The following MICAL2 variants were observed in gnomAD, a reference collection of about 807,000 sequenced individuals.
MICAL2 encodes the protein [F-actin]-monooxygenase MICAL2.
A neutral mutation model predicts 127.3 loss-of-function variants in MICAL2; 77 were observed. The observed-to-expected ratio is 0.60, with a 90% CI of 0.50 to 0.73. The LOEUF is 0.73. Among genes scored for constraint, MICAL2 ranks in the 30% least tolerant of loss-of-function variants. MICAL2 has a pLI of 0.00. For missense variants in MICAL2, 1,351 were observed against 1,434.4 expected, an observed-to-expected ratio of 0.94 and a Z score of 0.94; for synonymous variants, 570 against 551.1, an observed-to-expected ratio of 1.03 and a Z score of -0.48.
intron 29 of MICAL2, among the ~76,000 whole-genome samples, chr11:12,314,754 G>A (rs1864215294): frequency 6.6e-6 from 1 of 150,962 alleles, no homozygotes; most frequent in Non-Finnish European, 1.5e-5. Flanking sequence ...CCAAAGTGCT[G>A]GGATTACAGA....
intron 29 of MICAL2, among the ~76,000 whole-genome samples, chr11:12,299,356 G>A (rs905801421): frequency 4.6e-5 from 7 of 152,008 alleles, no homozygotes; most frequent in African/African-American, 1.4e-4. Context: ...TTAACTTGGG[G>A]GTGCACACTT....
chr11:12,337,173 T>C, intron 32 of MICAL2, among the ~76,000 whole-genome samples: 1 of 152,200 alleles, frequency 6.6e-6, no homozygotes, highest in East Asian at 1.9e-4. Context: ...CTTCCTGGTT[T>C]AGTCTTCGGA....
chr11:12,313,115 C>T (rs1434546163), intron 29 of MICAL2, among the ~76,000 whole-genome samples: 1 of 127,394 alleles, frequency 7.8e-6, no homozygotes, highest in African/African-American at 3.1e-5. Flanking sequence ...TTGCAGTGAG[C>T]CGAGATAGCA....
intron 2 of MICAL2, among the ~76,000 whole-genome samples, chr11:12,146,176 C>T (rs1852880271): frequency 6.6e-6 from 1 of 152,150 alleles, no homozygotes. Context: ...ATGTCTAAAA[C>T]ACCAAAAGCA....
At chr11:12,328,437 G>A (rs999378311) in intron 32 of MICAL2, among the ~76,000 whole-genome samples, 1 of 152,160 alleles carries the variant, frequency 6.6e-6, no homozygotes, top group Non-Finnish European at 1.5e-5. Context: ...AGGAACAAGA[G>A]TTAACCAGTA....
At chr11:12,130,055 T>C (rs1390271527) in intron 1 of MICAL2, among the ~76,000 whole-genome samples, 1 of 152,138 alleles carries the variant, frequency 6.6e-6, no homozygotes, top group African/African-American at 2.4e-5. Flanking sequence ...GTCTTGTTAC[T>C]CCCGAACTAA....
chr11:12,224,169 C>G (rs1482822557), intron 12 of MICAL2, among the ~76,000 whole-genome samples: 4 of 152,174 alleles, frequency 2.6e-5, no homozygotes, highest in African/African-American at 9.7e-5. Flanking sequence ...TCTTAGCCAC[C>G]ACACAGTCCT....
At chr11:12,209,720 AG>A in intron 6 of MICAL2, 122 bp downstream of exon 6, 1 of 841,596 alleles carries the variant, frequency 1.2e-6, no homozygotes, top group East Asian at 2.6e-5. Flanking sequence ...TTTTGATAGG[AG>A]GGCAGACCAT....
chr11:12,276,043 C>A (rs76132180), upstream of MICAL2: 3 of 399,132 alleles, frequency 7.5e-6, no homozygotes, highest in East Asian at 1.1e-4. Context: ...CACAGTGATG[C>A]GGAAGGGGAC....
At chr11:12,320,805 G>C (rs918675918) in intron 30 of MICAL2, among the ~76,000 whole-genome samples, 1 of 152,076 alleles carries the variant, frequency 6.6e-6, no homozygotes, top group Non-Finnish European at 1.5e-5. Context: ...GGTGTGGGGA[G>C]GGGAGGAGAG....
intron 1 of MICAL2, among the ~76,000 whole-genome samples, chr11:12,130,222 G>T (rs73412274): frequency 0.011 from 1,652 of 152,316 alleles, 30 homozygotes; most frequent in African/African-American, 0.037. Context: ...ATTGTAGCTT[G>T]AAGCATTTGC....
chr11:12,219,801 A>G (rs1394133633), intron 8 of MICAL2, among the ~76,000 whole-genome samples: 2 of 152,166 alleles, frequency 1.3e-5, no homozygotes, highest in South Asian at 2.1e-4. Context: ...CTCCAAGACC[A>G]TTATCAAGTG....
chr11:12,318,608 G>C (rs751910528), intron 29 of MICAL2, among the ~76,000 whole-genome samples: 2 of 152,030 alleles, frequency 1.3e-5, no homozygotes, highest in East Asian at 3.9e-4. Flanking sequence ...CCTTTCCCCC[G>C]ACCCAACACC....
At chr11:12,140,624 C>A (rs1434343645) in intron 2 of MICAL2, among the ~76,000 whole-genome samples, 1 of 152,030 alleles carries the variant, frequency 6.6e-6, no homozygotes, top group Non-Finnish European at 1.5e-5. Flanking sequence ...CTCTTCTCAC[C>A]CAGCCATACC....
At chr11:12,285,974 T>C (rs372524210) in intron 2 of MICAL2, among the ~76,000 whole-genome samples, 1 of 152,078 alleles carries the variant, frequency 6.6e-6, no homozygotes, top group East Asian at 1.9e-4. Context: ...TCTCCAGCAG[T>C]GATGGAGGCG....
intron 3 of MICAL2, among the ~76,000 whole-genome samples, chr11:12,182,114 C>T (rs989548655): frequency 2.6e-5 from 4 of 152,114 alleles, no homozygotes; most frequent in Non-Finnish European, 5.9e-5. Flanking sequence ...GGTGTTAGAC[C>T]TACAACTAGA....
chr11:12,167,741 C>T (rs1248014847), intron 3 of MICAL2, among the ~76,000 whole-genome samples: 1 of 152,124 alleles, frequency 6.6e-6, no homozygotes, highest in Non-Finnish European at 1.5e-5. Flanking sequence ...GGCCCTGCAA[C>T]ATTGAACATG....
At chr11:12,202,750 G>A (rs1854176503) in intron 3 of MICAL2, among the ~76,000 whole-genome samples, 1 of 152,188 alleles carries the variant, frequency 6.6e-6, no homozygotes, top group African/African-American at 2.4e-5. Context: ...ACACCAGTAG[G>A]TGCCAAGCTC....
chr11:12,166,921 G>A (rs1434989566), intron 3 of MICAL2, among the ~76,000 whole-genome samples: 4 of 152,134 alleles, frequency 2.6e-5, no homozygotes, highest in African/African-American at 9.7e-5. Context: ...GGGAGAGTGT[G>A]TTGCTCTGTA....
Sources: gnomAD v4.1 joint callset for allele counts (sites outside exome capture counted in the v4.1 genomes callset) on GRCh38, gnomAD v4.1.1 for gene constraint, MANE v1.5 for transcripts, NCBI Gene and HGNC (gene_info 2026-07-23, HGNC 2026-07-21) for gene names.